AKAP19: variants seen among roughly 807,000 people sequenced by gnomAD.
AKAP19 encodes small A-kinase anchoring protein.
At chr2:189,957,436 GAA>G in the AKAP19 span, among the ~76,000 whole-genome samples, 1 of 152,080 alleles carries the variant, frequency 6.6e-6, no homozygotes, top group African/African-American at 2.4e-5. Flanking sequence ...ATAAGTTATA[GAA>G]AAGTTTTCAG....
chr2:189,922,457 G>T, the AKAP19 span, among the ~76,000 whole-genome samples: 1 of 152,200 alleles, frequency 6.6e-6, no homozygotes, highest in Admixed American at 6.5e-5. Context: ...GAGAGAAGTA[G>T]GTAGATTCAG....
At chr2:189,917,522 C>CT in the AKAP19 span, 2 of 594,828 alleles carry the variant, frequency 3.4e-6, no homozygotes, top group South Asian at 3.8e-5. Flanking sequence ...TTTCTTTTTT[C>CT]TTTTTTGCAC....
At chr2:190,096,170 G>A in the AKAP19 span, among the ~76,000 whole-genome samples, 36 of 152,222 alleles carry the variant, frequency 2.4e-4, no homozygotes, top group African/African-American at 8.4e-4. Flanking sequence ...CAACATGGTT[G>A]GGCTGCAAAA....
At chr2:189,978,225 T>C in the AKAP19 span, among the ~76,000 whole-genome samples, 1 of 152,210 alleles carries the variant, frequency 6.6e-6, no homozygotes, top group African/African-American at 2.4e-5. Context: ...AGGTAGTTTT[T>C]CAGCCTTTAC....
At chr2:190,129,069 C>T in the AKAP19 span, among the ~76,000 whole-genome samples, 1 of 152,150 alleles carries the variant, frequency 6.6e-6, no homozygotes, top group Non-Finnish European at 1.5e-5. Flanking sequence ...GCATATATTT[C>T]AGTTTCTTAG....
chr2:190,193,492 G>A, the AKAP19 span, among the ~76,000 whole-genome samples: 551 of 152,022 alleles, frequency 3.6e-3, 1 homozygote, highest in African/African-American at 0.013. Flanking sequence ...TTACTTCCTC[G>A]TAATGGCCTT....
chr2:190,146,163 T>G, the AKAP19 span, among the ~76,000 whole-genome samples: 1 of 152,196 alleles, frequency 6.6e-6, no homozygotes, highest in South Asian at 2.1e-4. Flanking sequence ...CCTCCCAATC[T>G]TCCCCCAGGT....
the AKAP19 span, among the ~76,000 whole-genome samples, chr2:190,070,649 C>A: frequency 3.1e-5 from 4 of 131,008 alleles, no homozygotes; most frequent in Non-Finnish European, 6.3e-5. Context: ...CCTGCAGAAT[C>A]TGGCTGAATA....
At chr2:190,007,148 A>T in the AKAP19 span, among the ~76,000 whole-genome samples, 1 of 152,250 alleles carries the variant, frequency 6.6e-6, no homozygotes, top group Admixed American at 6.5e-5. Flanking sequence ...GAGAAGTGGA[A>T]TGAAATGCAC....
the AKAP19 span, among the ~76,000 whole-genome samples, chr2:189,914,377 C>T: frequency 2.9e-4 from 44 of 151,972 alleles, no homozygotes; most frequent in Non-Finnish European, 3.4e-4. Context: ...TATGAATTGA[C>T]GAATGTTCTT....
At chr2:190,165,189 C>A in the AKAP19 span, among the ~76,000 whole-genome samples, 4 of 152,142 alleles carry the variant, frequency 2.6e-5, no homozygotes, top group African/African-American at 9.7e-5. Flanking sequence ...GTAATCCCAG[C>A]ACTTTGGGAG....
the AKAP19 span, among the ~76,000 whole-genome samples, chr2:190,130,714 T>G: frequency 1.3e-5 from 2 of 152,190 alleles, no homozygotes; most frequent in Non-Finnish European, 2.9e-5. Flanking sequence ...AGCTATCAGT[T>G]TATTCCTATG....
At chr2:189,892,094 G>A in the AKAP19 span, among the ~76,000 whole-genome samples, 1 of 151,778 alleles carries the variant, frequency 6.6e-6, no homozygotes, top group Non-Finnish European at 1.5e-5. Flanking sequence ...GGTCATTTAT[G>A]TTCTTCTCTA....
At chr2:189,984,260 G>A in the AKAP19 span, among the ~76,000 whole-genome samples, 10 of 152,018 alleles carry the variant, frequency 6.6e-5, no homozygotes, top group African/African-American at 1.2e-4. Flanking sequence ...CTGCAATCTC[G>A]ACCATAAGAC....
At chr2:190,104,139 G>C in the AKAP19 span, among the ~76,000 whole-genome samples, 1 of 152,190 alleles carries the variant, frequency 6.6e-6, no homozygotes, top group Non-Finnish European at 1.5e-5. Flanking sequence ...GCCATATGCG[G>C]AGGAATGAAA....
At chr2:190,033,180 T>C in the AKAP19 span, among the ~76,000 whole-genome samples, 3 of 152,152 alleles carry the variant, frequency 2.0e-5, no homozygotes, top group African/African-American at 7.2e-5. Context: ...GGTGGGACCA[T>C]AAAAGAAACA....
chr2:190,063,988 A>G, the AKAP19 span, among the ~76,000 whole-genome samples: 3 of 152,134 alleles, frequency 2.0e-5, no homozygotes, highest in African/African-American at 4.8e-5. Context: ...AAGGATTCCT[A>G]AGAGATTTAG....
At chr2:190,100,535 A>G in the AKAP19 span, among the ~76,000 whole-genome samples, 1 of 152,216 alleles carries the variant, frequency 6.6e-6, no homozygotes, top group African/African-American at 2.4e-5. Flanking sequence ...TAAAACAAAT[A>G]ACTACGTTTG....
the AKAP19 span, among the ~76,000 whole-genome samples, chr2:190,014,362 AGT>A: frequency 7.9e-5 from 12 of 152,268 alleles, no homozygotes; most frequent in African/African-American, 2.9e-4. Flanking sequence ...AGAGCAAGTG[AGT>A]GTGTGAAGGA....
Sources: gnomAD v4.1 joint callset for allele counts (sites outside exome capture counted in the v4.1 genomes callset) on GRCh38, gnomAD v4.1.1 for gene constraint, MANE v1.5 for transcripts, NCBI Gene and HGNC (gene_info 2026-07-23, HGNC 2026-07-21) for gene names.